Variants in CRTAC1 observed in about 807,000 individuals in gnomAD.
CRTAC1 encodes the protein cartilage acidic protein 1.
In CRTAC1, 37 loss-of-function variants were observed where a neutral mutation model predicts 67.8. That is an observed-to-expected ratio of 0.55 (90% CI 0.42 to 0.72). CRTAC1 has a LOEUF of 0.72. CRTAC1 is among the 30% of genes least tolerant of loss of function. CRTAC1 has a pLI of 0.00. For synonymous variants in CRTAC1, 348 were observed against 371.0 expected, an observed-to-expected ratio of 0.94 and a Z score of 0.71; for missense variants, 780 against 931.6, an observed-to-expected ratio of 0.84 and a Z score of 2.12.
At chr10:97,941,134 G>A (rs1370651918) in intron 2 of CRTAC1, among the ~76,000 whole-genome samples, 2 of 151,556 alleles carry the variant, frequency 1.3e-5, no homozygotes, top group East Asian at 3.9e-4. Flanking sequence ...ATCTCAGGGT[G>A]CCCTTTTCTG....
intron 14 of CRTAC1, among the ~76,000 whole-genome samples, chr10:97,878,206 C>T (rs1325029780): frequency 6.6e-6 from 1 of 152,240 alleles, no homozygotes; most frequent in East Asian, 1.9e-4. Context: ...CACTTCAGCT[C>T]TCTGAGCCTC....
intron 2 of CRTAC1, among the ~76,000 whole-genome samples, chr10:97,993,301 CAT>C (rs1164462031): frequency 6.6e-6 from 1 of 152,194 alleles, no homozygotes; most frequent in Non-Finnish European, 1.5e-5. Flanking sequence ...AGTTTTTCAT[CAT>C]AGAAAAGTTC....
chr10:98,012,342 G>C (rs1842925021), intron 1 of CRTAC1, among the ~76,000 whole-genome samples: 1 of 151,238 alleles, frequency 6.6e-6, no homozygotes, highest in Non-Finnish European at 1.5e-5. Context: ...GGAGACACTT[G>C]GAACGCTGCA....
intron 8 of CRTAC1, among the ~76,000 whole-genome samples, chr10:97,898,182 A>T (rs944209045): frequency 7.2e-5 from 11 of 152,232 alleles, no homozygotes; most frequent in African/African-American, 2.2e-4. Flanking sequence ...GTGTTCATTG[A>T]ACACATTCTT....
chr10:97,865,936 A>T (rs1307985969), intron 14 of CRTAC1: 1 of 622,322 alleles, frequency 1.6e-6, no homozygotes, highest in Non-Finnish European at 2.6e-6. Context: ...TTCCTTCCCG[A>T]TGGGGCTGGT....
intron 5 of CRTAC1, among the ~76,000 whole-genome samples, chr10:97,916,319 G>A (rs1344224207): frequency 6.6e-6 from 1 of 152,216 alleles, no homozygotes; most frequent in South Asian, 2.1e-4. Context: ...TACTGATACA[G>A]CCTTTCCATG....
chr10:97,896,839 C>T, intron 9 of CRTAC1, 70 bp downstream of exon 9: 1 of 707,238 alleles, frequency 1.4e-6, no homozygotes, highest in Non-Finnish European at 2.4e-6. Context: ...CCCGTCCCTC[C>T]CGCCCTCACC....
intron 12 of CRTAC1, among the ~76,000 whole-genome samples, chr10:97,883,263 C>G (rs1032433233): frequency 2.0e-5 from 3 of 152,202 alleles, no homozygotes; most frequent in Admixed American, 1.3e-4. Flanking sequence ...TGCTTGTGTC[C>G]CACCTCTCTG....
intron 2 of CRTAC1, among the ~76,000 whole-genome samples, chr10:97,967,612 T>A (rs116665584): frequency 0.014 from 2,075 of 152,298 alleles, 50 homozygotes; most frequent in African/African-American, 0.046. Flanking sequence ...ACCATCTGTA[T>A]CTATATTATG....
chr10:97,889,272 G>A (rs2050330551), intron 11 of CRTAC1, among the ~76,000 whole-genome samples: 1 of 152,074 alleles, frequency 6.6e-6, no homozygotes, highest in Admixed American at 6.5e-5. Flanking sequence ...TCAGCCCGCT[G>A]CCAGCTGGGA....
At chr10:97,926,274 G>A (rs1192845420) in intron 3 of CRTAC1, among the ~76,000 whole-genome samples, 1 of 152,188 alleles carries the variant, frequency 6.6e-6, no homozygotes, top group East Asian at 1.9e-4. Flanking sequence ...GACCCAGTCG[G>A]CCGGAGTCGC....
chr10:97,907,676 G>A (rs2050632015), intron 6 of CRTAC1, among the ~76,000 whole-genome samples: 1 of 152,066 alleles, frequency 6.6e-6, no homozygotes, highest in South Asian at 2.1e-4. Flanking sequence ...ATGTGGGAGG[G>A]GGCCAAGGTG....
intron 2 of CRTAC1, among the ~76,000 whole-genome samples, chr10:97,958,295 T>C (rs140866009): frequency 6.6e-6 from 1 of 152,200 alleles, no homozygotes; most frequent in Non-Finnish European, 1.5e-5. Context: ...CACATGCCAA[T>C]TGGCAAAAGA....
At chr10:97,893,721 G>T (rs975199336) in intron 11 of CRTAC1, among the ~76,000 whole-genome samples, 3 of 152,152 alleles carry the variant, frequency 2.0e-5, no homozygotes, top group African/African-American at 7.2e-5. Flanking sequence ...CTCTCGGGCT[G>T]CCCTTGATGA....
chr10:97,986,386 A>G lies in CRTAC1; in HGVS notation c.224+24752T>C, dbSNP rs553577233. Among the ~76,000 whole-genome samples the G allele has an allele frequency of 1.2e-4, 19 of 152,316 alleles. 1 individual carries two copies. The highest frequency in any genetic ancestry group is 2.1e-4 in the Non-Finnish European group (14 of 68,026). On this transcript the variant is annotated intron_variant, in intron 2 of 14. Coordinates refer to ENST00000370597, the MANE Select transcript of CRTAC1 (RefSeq NM_018058.7). Reference sequence around the variant, plus strand: ...CCAGCCTGGGGCCCATGGGCACTCAATGAAGGGCAGCCCTTCCTTCGTGAG... The same window carrying G: ...CCAGCCTGGGGCCCATGGGCACTCAGTGAAGGGCAGCCCTTCCTTCGTGAG...
At chr10:97,896,833 T>TGCCACCCCCCCC in intron 9 of CRTAC1, 76 bp downstream of exon 9, 1 of 450,864 alleles carries the variant, frequency 2.2e-6, no homozygotes, top group Non-Finnish European at 4.2e-6. Flanking sequence ...GGCTGCCCCG[T>TGCCACCCCCCCC]CCCTCCCGCC....
chr10:97,959,122 T>C (rs987575745), intron 2 of CRTAC1, among the ~76,000 whole-genome samples: 1 of 152,152 alleles, frequency 6.6e-6, no homozygotes, highest in African/African-American at 2.4e-5. Context: ...TTACCAGTAA[T>C]AAGTAAATGG....
intron 2 of CRTAC1, among the ~76,000 whole-genome samples, chr10:97,951,867 T>A (rs928750083): frequency 6.6e-6 from 1 of 152,184 alleles, no homozygotes; most frequent in African/African-American, 2.4e-5. Flanking sequence ...CCAGCATTTT[T>A]GGGGAGCACA....
intron 5 of CRTAC1, among the ~76,000 whole-genome samples, chr10:97,913,946 G>A (rs183276040): frequency 8.5e-5 from 13 of 152,300 alleles, no homozygotes; most frequent in Admixed American, 5.2e-4. Flanking sequence ...TCTGCCCTCC[G>A]CTTTGTTCCA....
Sources: gnomAD v4.1 joint callset for allele counts (sites outside exome capture counted in the v4.1 genomes callset) on GRCh38, gnomAD v4.1.1 for gene constraint, MANE v1.5 for transcripts, NCBI Gene and HGNC (gene_info 2026-07-23, HGNC 2026-07-21) for gene names.